The following ABCB4 variants were observed in gnomAD, a reference collection of about 807,000 sequenced individuals.
The protein encoded by ABCB4 is phosphatidylcholine translocator ABCB4.
A neutral mutation model predicts 145.7 loss-of-function variants in ABCB4; 76 were observed. That is an observed-to-expected ratio of 0.52 (90% CI 0.43 to 0.63). The LOEUF (loss-of-function observed/expected upper bound fraction) is 0.63, where lower values mean the gene tolerates loss of function less well. Ranked by LOEUF, ABCB4 falls within the 30% of genes least tolerant of loss-of-function variation. The pLI is 0.00. For missense variants in ABCB4, 1,234 were observed against 1,553.1 expected, an observed-to-expected ratio of 0.79 and a Z score of 3.45; for synonymous variants, 517 against 566.8, an observed-to-expected ratio of 0.91 and a Z score of 1.25.
At chr7:87,401,271 A>G (rs1807768391), downstream of ABCB4, among the ~76,000 whole-genome samples, 1 of 152,208 alleles carries the variant, frequency 6.6e-6, no homozygotes, top group African/African-American at 2.4e-5. Flanking sequence ...TGTTGCAGAA[A>G]ATTGTGGAGA....
the ABCB4 span, among the ~76,000 whole-genome samples, chr7:87,373,578 T>G: frequency 2.6e-4 from 39 of 152,142 alleles, no homozygotes; most frequent in African/African-American, 9.4e-4. Context: ...AGATAATGTT[T>G]AAATATACAT....
At chr7:87,404,651 A>C (rs45561635) in intron 26 of ABCB4, among the ~76,000 whole-genome samples, 5,089 of 152,328 alleles carry the variant, frequency 0.033, 119 homozygotes, top group Non-Finnish European at 0.048. Context: ...AACAAACAAA[A>C]AAAACTTCTG....
chr7:87,418,774 GA>G (rs1809187355), intron 19 of ABCB4, among the ~76,000 whole-genome samples, 154 bp from the exon 20 acceptor site: 1 of 152,194 alleles, frequency 6.6e-6, no homozygotes, highest in Non-Finnish European at 1.5e-5. Flanking sequence ...CACACCCCCA[GA>G]ATCTAGCAGA....
At chr7:87,398,287 T>C (rs768455309), downstream of ABCB4, 6 of 654,012 alleles carry the variant, frequency 9.2e-6, no homozygotes, top group Non-Finnish European at 1.7e-5. Flanking sequence ...ACTCTAGGGC[T>C]CTAGCTAATT....
rs72422284 is a variant in ABCB4 at position 87,451,139 on chromosome 7, A to ATT, written c.708+482_708+483dup. Among the ~76,000 whole-genome samples the ATT allele has an allele frequency of 1.0e-4, 15 of 145,604 alleles. 1 individual carries two copies. Among genetic ancestry groups the ATT allele is most frequent in the Admixed American group, 2.0e-4 (3 of 14,638 alleles). ...AGGGTAATCGAAGTAAGAACTGTGA[A>ATT]TTTTTTTTTTTTTTGAGATGAAGTC... On this transcript the variant is annotated intron_variant, in intron 7 of 27. Transcript: ENST00000649586.
the ABCB4 span, among the ~76,000 whole-genome samples, chr7:87,380,816 T>C: frequency 6.6e-6 from 1 of 152,206 alleles, no homozygotes; most frequent in Non-Finnish European, 1.5e-5. Flanking sequence ...AAACAATATA[T>C]TTGATAATAT....
downstream of ABCB4, among the ~76,000 whole-genome samples, chr7:87,398,097 C>G (rs1807601297): frequency 9.5e-6 from 1 of 104,800 alleles, no homozygotes; most frequent in African/African-American, 3.2e-5. Flanking sequence ...TATCATCCTT[C>G]TCTGCCTTTT....
the ABCB4 span, chr7:87,369,390 T>TC: frequency 1.2e-5 from 20 of 1,610,606 alleles, no homozygotes; most frequent in Non-Finnish European, 1.7e-5. Context: ...TGAAGGGCGT[T>TC]CCCCAAACCA....
intron 9 of ABCB4, among the ~76,000 whole-genome samples, chr7:87,446,577 C>A (rs1009558843): frequency 2.0e-5 from 3 of 152,130 alleles, no homozygotes; most frequent in Admixed American, 6.5e-5. Flanking sequence ...AAGCTATCTT[C>A]ATTTTGATAA....
chr7:87,436,048 G>T (rs1019785016), intron 14 of ABCB4, among the ~76,000 whole-genome samples: 20 of 152,186 alleles, frequency 1.3e-4, no homozygotes, highest in African/African-American at 4.6e-4. Context: ...TGGCTGAGGA[G>T]ATTTCAGACA....
At chr7:87,398,904 A>G (rs1294709677), downstream of ABCB4, 2 of 360,860 alleles carry the variant, frequency 5.5e-6, no homozygotes, top group Non-Finnish European at 1.0e-5. Context: ...TGCAGTATTT[A>G]AGCCTCAACA....
intron 6 of ABCB4, chr7:87,452,476 A>T (rs1370222179): frequency 5.7e-6 from 1 of 175,978 alleles, no homozygotes; most frequent in Non-Finnish European, 1.2e-5. Flanking sequence ...ACTGGAATGT[A>T]AGCACCAAAA....
At chr7:87,417,153 C>T (rs1039159267) in intron 21 of ABCB4, among the ~76,000 whole-genome samples, 159 bp downstream of exon 21, 2 of 152,162 alleles carry the variant, frequency 1.3e-5, no homozygotes, top group African/African-American at 4.8e-5. Context: ...AAGTTCTAGA[C>T]ATTAATACAG....
At chr7:87,425,892 A>G (rs1334349811) in intron 16 of ABCB4, among the ~76,000 whole-genome samples, 2 of 152,038 alleles carry the variant, frequency 1.3e-5, no homozygotes, top group African/African-American at 2.4e-5. Flanking sequence ...TAAAATTAAA[A>G]ATAAATAAAT....
At position 87,452,378 on chromosome 7, in the gene ABCB4, C is replaced by CTT. The variant is rs528084596; in HGVS notation, c.536+564_536+565dup. 523 of 134,730 alleles carry CTT rather than the reference C, an allele frequency of 3.9e-3. 3 individuals are homozygous for CTT. Among genetic ancestry groups the CTT allele is most frequent in the African/African-American group, 0.01 (356 of 35,430 alleles). 8.3% of individuals were successfully genotyped at this position (134,730 alleles called of 1,614,324 possible). ...AAGGCCCTAAATGTCTTGCTTTTCC[C>CTT]TTTTTTTTTTTTTTTTTTTTGACTT... On this transcript the variant is annotated intron_variant, in intron 6 of 27. Transcript: ENST00000649586.
rs141005127 is a variant in ABCB4 at position 87,453,459 on chromosome 7, T to C, written c.345-324A>G. 1.7e-3 allele frequency among the ~76,000 whole-genome samples: 255 copies of C among 152,240 alleles called. 1 individual carries two copies. The highest frequency in any genetic ancestry group is 5.6e-3 in the African/African-American group (231 of 41,550). On this transcript the variant is annotated intron_variant, in intron 5 of 27. Coordinates refer to ENST00000649586, the MANE Select transcript of ABCB4 (RefSeq NM_000443.4). ...TCCGCCTCCCAAAGTGCTGGGATTA[T>C]AGCATGAGCCACCACCCCCACCCTA... is the stretch of plus-strand genomic sequence containing the variant.
At chr7:87,418,480 A>C (rs1423382489) in intron 20 of ABCB4, 57 bp downstream of exon 20, 12 of 1,500,676 alleles carry the variant, frequency 8.0e-6, no homozygotes, top group Non-Finnish European at 1.1e-5. Flanking sequence ...GGTATGCTAC[A>C]TGCTTATCTA....
intron 24 of ABCB4, 52 bp downstream of exon 24, chr7:87,409,184 G>A (rs1172867331): frequency 1.9e-6 from 3 of 1,607,928 alleles, no homozygotes; most frequent in Non-Finnish European, 2.6e-6. Context: ...CTAGCAGACA[G>A]CAAACCTTAG....
chr7:87,401,988 G>A lies in ABCB4; in HGVS notation c.*108C>T, dbSNP rs1807814099. ...GGTCTTCTAAATTGATCTAGAATGA[G>A]ACAGACATACCTATGTTTTATGATG... On this transcript the variant is annotated 3_prime_UTR_variant, in exon 28 of 28. Transcript: ENST00000649586. The A allele has an allele frequency of 4.2e-6, 6 of 1,441,114 alleles. No homozygotes were observed. The highest frequency in any genetic ancestry group is 2.9e-6 in the Non-Finnish European group (3 of 1,046,672). 89.3% of individuals were successfully genotyped at this position (1,441,114 alleles called of 1,614,324 possible).
Sources: allele counts gnomAD v4.1 joint callset (sites outside exome capture counted in the v4.1 genomes callset), GRCh38; gene constraint gnomAD v4.1.1; transcripts MANE v1.5; gene names NCBI Gene and HGNC (gene_info 2026-07-23, HGNC 2026-07-21).